The following FANK1 variants were observed in gnomAD, a reference collection of about 807,000 sequenced individuals.
The protein encoded by FANK1 is fibronectin type 3 and ankyrin repeat domains protein 1.
FANK1 carries 44 observed loss-of-function variants against 45.3 expected under a neutral mutation model. The ratio of observed to expected loss-of-function variants is 0.97; its 90% CI spans 0.76 to 1.25. FANK1 has a LOEUF of 1.25. Ranked by LOEUF, FANK1 falls within the 50% of genes most tolerant of loss-of-function variation. FANK1 has a pLI of 0.00. For missense variants in FANK1, 391 were observed against 424.4 expected (o/e 0.92, Z 0.69); for synonymous variants, 149 against 152.5 (o/e 0.98, Z 0.17).
intron 1 of FANK1, among the ~76,000 whole-genome samples, chr10:125,903,616 G>A (rs556633141): frequency 5.2e-4 from 79 of 152,388 alleles, no homozygotes; most frequent in African/African-American, 1.9e-3. Flanking sequence ...GACTGCTTGA[G>A]CCTAGGAGTT....
chr10:125,897,323 G>C lies in FANK1; in HGVS notation c.13+668G>C, dbSNP rs547955506. Among the ~76,000 whole-genome samples, 13 of 152,424 alleles carry C rather than the reference G, an allele frequency of 8.5e-5. No individual in the cohort carries two copies. The South Asian group carries it at 2.5e-3, about 29-fold the overall frequency. On this transcript the variant is annotated intron_variant, in intron 1 of 10. Coordinates refer to ENST00000368693, the MANE Select transcript of FANK1 (RefSeq NM_145235.5). ...TTTGAGTTATCAGATCTAAACACGA[G>C]CTCTAACTTACTATTTTTGTTGTTG...
At chr10:125,990,825 G>T (rs1404402482) in intron 3 of FANK1, among the ~76,000 whole-genome samples, 2 of 152,178 alleles carry the variant, frequency 1.3e-5, no homozygotes, top group South Asian at 2.1e-4. Flanking sequence ...ACATGGCTGG[G>T]GAGGCCTCAC....
At chr10:125,908,728 T>C (rs75194781) in intron 1 of FANK1, among the ~76,000 whole-genome samples, 1 of 151,902 alleles carries the variant, frequency 6.6e-6, no homozygotes, top group Non-Finnish European at 1.5e-5. Flanking sequence ...AAACACCATC[T>C]GTTCCCCAAA....
chr10:125,948,693 A>G (rs1948986279), intron 1 of FANK1, among the ~76,000 whole-genome samples: 1 of 152,204 alleles, frequency 6.6e-6, no homozygotes, highest in Non-Finnish European at 1.5e-5. Context: ...TACAAGGAGG[A>G]ACTGAACTGG....
chr10:125,963,317 C>T (rs551187177), intron 1 of FANK1, among the ~76,000 whole-genome samples: 2 of 152,156 alleles, frequency 1.3e-5, no homozygotes, highest in African/African-American at 4.8e-5. Context: ...ACTAGTTCAA[C>T]CATTGTGGGA....
At chr10:125,923,902 C>T (rs181223922) in intron 1 of FANK1, among the ~76,000 whole-genome samples, 6 of 151,550 alleles carry the variant, frequency 4.0e-5, no homozygotes, top group Non-Finnish European at 7.4e-5. Context: ...TTTTTGACTG[C>T]TTTTTCTTGA....
intron 4 of FANK1, 143 bp downstream of exon 4, chr10:125,995,641 G>A (rs1952273325): frequency 1.5e-6 from 1 of 682,402 alleles, no homozygotes; most frequent in Non-Finnish European, 2.6e-6. Flanking sequence ...ACTGGTGTGA[G>A]TTAATAAACC....
intron 1 of FANK1, among the ~76,000 whole-genome samples, chr10:125,931,621 A>T (rs1376332685): frequency 6.6e-6 from 1 of 152,168 alleles, no homozygotes; most frequent in Non-Finnish European, 1.5e-5. Context: ...CCTTCGTCAG[A>T]TGTATAGATT....
At chr10:125,918,556 C>CAAAAAAAAAAAAAAAAAAAAA (rs1156446362) in intron 1 of FANK1, among the ~76,000 whole-genome samples, 1 of 7,102 alleles carries the variant, frequency 1.4e-4, no homozygotes, top group Non-Finnish European at 3.0e-4. Context: ...GCCTCTGTCT[C>CAAAAAAAAAAAAAAAAAAAAA]AAAAAAAAAA....
chr10:125,938,854 T>C (rs560737977), intron 1 of FANK1, among the ~76,000 whole-genome samples: 2 of 152,186 alleles, frequency 1.3e-5, no homozygotes, highest in South Asian at 4.2e-4. Flanking sequence ...GGTAAAAGTA[T>C]ACAGAACCAG....
At chr10:125,991,646 TC>T (rs976155836) in intron 3 of FANK1, among the ~76,000 whole-genome samples, 1 of 151,768 alleles carries the variant, frequency 6.6e-6, no homozygotes, top group Non-Finnish European at 1.5e-5. Flanking sequence ...GCCTTTTTTT[TC>T]CCCCCAGGTA....
intron 6 of FANK1, among the ~76,000 whole-genome samples, chr10:125,997,850 C>T (rs1334673751): frequency 3.9e-5 from 6 of 152,214 alleles, no homozygotes; most frequent in Non-Finnish European, 7.3e-5. Flanking sequence ...CTCTCAGGCC[C>T]CCGCTGCATT....
chr10:125,944,705 CTG>C (rs544246670), intron 1 of FANK1, among the ~76,000 whole-genome samples: 234 of 152,354 alleles, frequency 1.5e-3, no homozygotes, highest in East Asian at 0.015. Flanking sequence ...CATGAGCGAT[CTG>C]TGCCTTAAGG....
intron 2 of FANK1, among the ~76,000 whole-genome samples, chr10:125,984,619 G>A (rs907917776): frequency 1.3e-5 from 2 of 152,168 alleles, no homozygotes. Context: ...AAAGGGTCTG[G>A]GTTGGAGAGA....
In FANK1 at chr10:125,997,432, C is replaced by G. The variant is rs138551736; in HGVS notation, c.486C>G (p.Ile162Met). 2.6e-4 allele frequency: 415 copies of G among 1,613,594 alleles called. No individual in the cohort carries two copies. The highest frequency in any genetic ancestry group is 3.3e-4 in the Admixed American group (20 of 59,916). Residue 162 changes from isoleucine (I) to methionine (M), a missense_variant, in exon 6 of 11, where the codon ATC becomes ATG. By Grantham distance (10) the Ile-to-Met change is conservative. Transcript: ENST00000368693. ...AQKGYTRLVK[I>M]LVSNGTDVNL... ...TTGTTTCCTTTAGGCTTGTGAAAAT[C>G]CTAGTTTCTAATGGCACAGACGTGA...
At chr10:125,977,294 T>C (rs1950911615) in intron 1 of FANK1, among the ~76,000 whole-genome samples, 1 of 152,190 alleles carries the variant, frequency 6.6e-6, no homozygotes, top group African/African-American at 2.4e-5. Flanking sequence ...GGGCTGATGC[T>C]TTATGTAGGG....
At chr10:125,988,795 A>G in intron 3 of FANK1, 120 bp downstream of exon 3, 1 of 1,463,958 alleles carries the variant, frequency 6.8e-7, no homozygotes, top group Non-Finnish European at 9.6e-7. Context: ...TACAATTTTT[A>G]AACACTGCAA....
At chr10:125,964,186 CTTTTTTTTT>C (rs71486557) in intron 1 of FANK1, among the ~76,000 whole-genome samples, 4 of 78,392 alleles carry the variant, frequency 5.1e-5, no homozygotes, top group South Asian at 5.8e-4. Flanking sequence ...TTCTCTCTCT[CTTTTTTTTT>C]TTTTTTTTTT....
chr10:126,006,388 G>A (rs1433930902), intron 7 of FANK1, among the ~76,000 whole-genome samples: 3 of 152,182 alleles, frequency 2.0e-5, no homozygotes, highest in Non-Finnish European at 4.4e-5. Context: ...ATGTTTTAGA[G>A]ACAGGCACAG....
Sources: allele counts gnomAD v4.1 joint callset (sites outside exome capture counted in the v4.1 genomes callset), GRCh38; gene constraint gnomAD v4.1.1; transcripts MANE v1.5; gene names NCBI Gene and HGNC (gene_info 2026-07-23, HGNC 2026-07-21).